Variants in UHRF2 observed in about 807,000 individuals in gnomAD.
UHRF2 encodes the protein ubiquitin like with PHD and ring finger domains 2.
UHRF2 carries 23 observed loss-of-function variants against 96.8 expected under a neutral mutation model. That is an observed-to-expected ratio of 0.24 (90% CI 0.17 to 0.34). The LOEUF is 0.34. Among genes scored for constraint, UHRF2 ranks in the 10% least tolerant of loss-of-function variants. The pLI, the probability that UHRF2 is intolerant of heterozygous loss-of-function variation, is 1.00. For synonymous variants in UHRF2, 385 were observed against 332.6 expected (o/e 1.16, Z -1.72); for missense variants, 685 against 981.5 (o/e 0.70, Z 4.04).
intron 3 of UHRF2, among the ~76,000 whole-genome samples, chr9:6,436,970 T>C (rs1303746287): frequency 4.6e-5 from 7 of 152,134 alleles, no homozygotes; most frequent in African/African-American, 1.7e-4. Context: ...TGTCACCTCT[T>C]TAAAAAGAGG....
chr9:6,442,952 T>C (rs1032054539), intron 3 of UHRF2, among the ~76,000 whole-genome samples: 2 of 152,232 alleles, frequency 1.3e-5, no homozygotes, highest in Admixed American at 1.3e-4. Context: ...AAACTATTCT[T>C]GTTAGTGACT....
chr9:6,457,623 G>T (rs1450426571), intron 3 of UHRF2, among the ~76,000 whole-genome samples: 3 of 152,118 alleles, frequency 2.0e-5, no homozygotes, highest in East Asian at 1.9e-4. Context: ...TGCCCATTCA[G>T]TATGATATTG....
chr9:6,471,960 A>G (rs992064927), intron 4 of UHRF2, among the ~76,000 whole-genome samples: 3 of 152,232 alleles, frequency 2.0e-5, no homozygotes, highest in African/African-American at 7.2e-5. Context: ...GTAAGCTTCC[A>G]TGCTGTCTTT....
chr9:6,483,990 C>T (rs1824092101), intron 8 of UHRF2, among the ~76,000 whole-genome samples: 1 of 151,936 alleles, frequency 6.6e-6, no homozygotes, highest in Admixed American at 6.6e-5. Flanking sequence ...CACCCGGCTT[C>T]ATCATCATTT....
intron 4 of UHRF2, chr9:6,468,534 C>T (rs928017290): frequency 2.2e-6 from 1 of 456,080 alleles, no homozygotes; most frequent in Non-Finnish European, 4.4e-6. Context: ...CCTAGGGAAT[C>T]TGCTAATTCT....
Position 6,460,810 on chromosome 9 carries a change from GT to G in UHRF2, c.863+20del. ...TCCTGGGGTAAGATTGTCTTCACTG[GT>G]GCCATTTAATTAACTGAATTGATCA... On this transcript the variant is annotated intron_variant, in intron 4 of 15. Transcript: ENST00000276893. 6.3e-7 allele frequency: 1 copy of G among 1,595,522 alleles called. No homozygotes were observed. The highest frequency in any genetic ancestry group is 1.1e-5 in the South Asian group (1 of 88,770).
At chr9:6,477,836 T>G in intron 6 of UHRF2, 28 bp downstream of exon 6, 1 of 1,541,334 alleles carries the variant, frequency 6.5e-7, no homozygotes, top group East Asian at 2.3e-5. Flanking sequence ...TTGTTGTTGT[T>G]GTTCTTGCTG....
intron 6 of UHRF2, 91 bp downstream of exon 6, chr9:6,477,899 A>G (rs1051580379): frequency 4.1e-6 from 5 of 1,215,770 alleles, no homozygotes; most frequent in South Asian, 1.6e-5. Flanking sequence ...CTAAAGATAC[A>G]TAATATAAAA....
intron 4 of UHRF2, among the ~76,000 whole-genome samples, chr9:6,469,685 T>TAC (rs1823104613): frequency 6.6e-6 from 1 of 150,736 alleles, no homozygotes; most frequent in Non-Finnish European, 1.5e-5. Context: ...TGTATGTATA[T>TAC]ATATACACGT....
At chr9:6,415,162 T>A (rs904864270) in intron 1 of UHRF2, 1 of 152,224 alleles carries the variant, frequency 6.6e-6, no homozygotes, top group Admixed American at 6.5e-5. Context: ...CTAAAATCTT[T>A]ATTATCAAAT....
chr9:6,464,977 A>G (rs1394820494), intron 4 of UHRF2, among the ~76,000 whole-genome samples: 1 of 152,090 alleles, frequency 6.6e-6, no homozygotes, highest in African/African-American at 2.4e-5. Context: ...TTTAATTTAC[A>G]TGTAGATTGT....
At chr9:6,413,685 G>C (rs776449584) in intron 1 of UHRF2, 42 bp downstream of exon 1, 33 of 1,506,168 alleles carry the variant, frequency 2.2e-5, no homozygotes, top group Non-Finnish European at 2.7e-5. Context: ...CTGGGGGCCG[G>C]AACAGCTGGG....
chr9:6,502,994 TG>T (rs1267595297), intron 14 of UHRF2, among the ~76,000 whole-genome samples: 2 of 152,226 alleles, frequency 1.3e-5, no homozygotes, highest in East Asian at 1.9e-4. Context: ...AAGGTTTTTT[TG>T]TTTGTTTGTT....
intron 2 of UHRF2, among the ~76,000 whole-genome samples, chr9:6,429,938 A>G (rs1820476295): frequency 6.6e-6 from 1 of 152,146 alleles, no homozygotes; most frequent in Non-Finnish European, 1.5e-5. Context: ...TCTTTTTTTA[A>G]TGATTGCCCC....
chr9:6,460,790 G>A lies in UHRF2; in HGVS notation c.862G>A (p.Gly288Arg). 2 of 1,610,196 alleles carry A rather than the reference G, an allele frequency of 1.2e-6. No individual in the cohort carries two copies. Among genetic ancestry groups the A allele is most frequent in the Non-Finnish European group, 1.7e-6 (2 of 1,178,450 alleles). Residue 288 changes from glycine to arginine, a missense_variant and splice_region_variant, in exon 4 of 16, where the codon GGG becomes AGG. Gly to Arg is a moderately radical substitution (Grantham distance 125, BLOSUM62 -2). This residue lies in a region of UHRF2 where 391 missense variants were observed against 437.0 expected (regional missense o/e 0.89). Coordinates refer to ENST00000276893, the MANE Select transcript of UHRF2 (RefSeq NM_152896.3). Reference sequence around the variant, plus strand: ...AGAACTTCGTGTGAAAATTTTCCTGGGGTAAGATTGTCTTCACTGGTGCCA... The same window carrying A: ...AGAACTTCGTGTGAAAATTTTCCTGAGGTAAGATTGTCTTCACTGGTGCCA... ...KKELRVKIFL[G>R]GSEGTLNDCK...
chr9:6,437,985 T>C (rs1262406779), intron 3 of UHRF2, among the ~76,000 whole-genome samples: 1 of 152,152 alleles, frequency 6.6e-6, no homozygotes, highest in Non-Finnish European at 1.5e-5. Flanking sequence ...TATTCCCTAC[T>C]AGGAATATTG....
intron 5 of UHRF2, among the ~76,000 whole-genome samples, chr9:6,475,980 TTCTG>T (rs904976143): frequency 4.6e-5 from 7 of 152,178 alleles, no homozygotes; most frequent in Non-Finnish European, 1.0e-4. Context: ...ATTTTATTCC[TTCTG>T]TCTAACTGTA....
At chr9:6,465,466 T>A (rs530837067) in intron 4 of UHRF2, among the ~76,000 whole-genome samples, 69 of 152,170 alleles carry the variant, frequency 4.5e-4, no homozygotes, top group Non-Finnish European at 8.4e-4. Flanking sequence ...TTATGGTCAG[T>A]TCGGTTTCTG....
chr9:6,477,125 C>T (rs889259649), intron 5 of UHRF2, among the ~76,000 whole-genome samples: 11 of 151,862 alleles, frequency 7.2e-5, no homozygotes, highest in Non-Finnish European at 1.6e-4. Context: ...CCCAGCTATT[C>T]CGGAGGCTGA....
Sources: allele counts gnomAD v4.1 joint callset (sites outside exome capture counted in the v4.1 genomes callset), GRCh38; gene constraint gnomAD v4.1.1; regional missense constraint gnomAD v4.1.1; transcripts MANE v1.5; gene names NCBI Gene and HGNC (gene_info 2026-07-23, HGNC 2026-07-21).